LINC00305: variants seen among roughly 807,000 people sequenced by gnomAD.
The protein encoded by LINC00305 is long independently transcribed non-coding RNA 305.
rs562525520 is a variant in LINC00305 at position 64,114,345 on chromosome 18, G to T, written n.315-15705C>A. On this transcript the variant is annotated intron_variant and non_coding_transcript_variant, in intron 1 of 3. Transcript: ENST00000666468. ...GGAATGTCTTCTGAATTCTACTTTG[G>T]GGGAGGAGACGGGTGCCTCAATTCC... Among the ~76,000 whole-genome samples the T allele has an allele frequency of 9.2e-5, 14 of 152,266 alleles. No individual in the cohort carries two copies. The South Asian group carries it at 1.0e-3, about 11-fold the overall frequency.
chr18:64,121,838 A>C (rs1020085124), intron 1 of LINC00305, among the ~76,000 whole-genome samples: 45 of 152,040 alleles, frequency 3.0e-4, no homozygotes, highest in African/African-American at 1.1e-3. Flanking sequence ...TTTCTCCACA[A>C]ACTCACCAAT....
chr18:64,139,690 T>G (rs2051452072), intron 1 of LINC00305: 2 of 151,984 alleles, frequency 1.3e-5, no homozygotes, highest in African/African-American at 2.4e-5. Flanking sequence ...GGCACAGGCA[T>G]CCAGTGTAGA....
At chr18:64,142,024 T>G (rs944304481) in intron 1 of LINC00305, among the ~76,000 whole-genome samples, 3 of 152,358 alleles carry the variant, frequency 2.0e-5, no homozygotes, top group African/African-American at 7.2e-5. Context: ...AATTTTCTCC[T>G]ATATTCATAG....
At chr18:64,132,308 A>G (rs993973310) in intron 1 of LINC00305, among the ~76,000 whole-genome samples, 1 of 152,266 alleles carries the variant, frequency 6.6e-6, no homozygotes, top group Non-Finnish European at 1.5e-5. Context: ...TCTATTGTTA[A>G]ATAGATTAAG....
intron 1 of LINC00305, among the ~76,000 whole-genome samples, chr18:64,107,408 A>C (rs2051295774): frequency 6.6e-6 from 1 of 152,236 alleles, no homozygotes; most frequent in Non-Finnish European, 1.5e-5. Context: ...CTGGTGAATC[A>C]GCATAGTGTC....
At chr18:64,094,675 C>A (rs1427255218) in intron 3 of LINC00305, among the ~76,000 whole-genome samples, 1 of 151,998 alleles carries the variant, frequency 6.6e-6, no homozygotes, top group Non-Finnish European at 1.5e-5. Context: ...CCACCCTGGG[C>A]AACATGCCAA....
At chr18:64,097,643 A>G (rs1438515424) in intron 3 of LINC00305, among the ~76,000 whole-genome samples, 3 of 152,040 alleles carry the variant, frequency 2.0e-5, no homozygotes, top group Non-Finnish European at 4.4e-5. Context: ...AAAAGAGCCT[A>G]TAAAGAACTA....
chr18:64,134,632 G>T (rs1453769479), intron 1 of LINC00305, among the ~76,000 whole-genome samples: 1 of 152,086 alleles, frequency 6.6e-6, no homozygotes, highest in African/African-American at 2.4e-5. Flanking sequence ...ATCTGATCTG[G>T]ATATTATGAC....
intron 1 of LINC00305, among the ~76,000 whole-genome samples, chr18:64,135,272 C>G (rs778561097): frequency 7.9e-5 from 12 of 152,134 alleles, no homozygotes; most frequent in Non-Finnish European, 1.2e-4. Context: ...AACCCTGTCT[C>G]CAAAATAAGG....
chr18:64,135,392 G>C (rs1293024805), intron 1 of LINC00305, among the ~76,000 whole-genome samples: 1 of 151,998 alleles, frequency 6.6e-6, no homozygotes, highest in Non-Finnish European at 1.5e-5. Flanking sequence ...TGAACATTTT[G>C]TTAAGGCTAT....
rs370870333 is a variant in LINC00305 at position 64,083,466 on chromosome 18, T to C, written n.541-3064A>G. Reference sequence around the variant, plus strand: ...CTAGGCAATACGCATTTAAACTCTATAGTCTTCAATACACTGTACGTGCTA... The same window carrying C: ...CTAGGCAATACGCATTTAAACTCTACAGTCTTCAATACACTGTACGTGCTA... On this transcript the variant is annotated intron_variant and non_coding_transcript_variant, in intron 3 of 3. Transcript: ENST00000666468. 4.6e-5 allele frequency among the ~76,000 whole-genome samples: 7 copies of C among 152,330 alleles called. No individual in the cohort carries two copies. In the South Asian group the frequency reaches 6.2e-4, roughly 14 times the overall value.
At chr18:64,111,608 A>C (rs1225473197) in intron 1 of LINC00305, among the ~76,000 whole-genome samples, 1 of 151,192 alleles carries the variant, frequency 6.6e-6, no homozygotes, top group African/African-American at 2.5e-5. Flanking sequence ...AAAGTAGAAC[A>C]CAAGTGTCTT....
chr18:64,124,418 A>T (rs2051376011), intron 1 of LINC00305, among the ~76,000 whole-genome samples: 1 of 152,088 alleles, frequency 6.6e-6, no homozygotes, highest in Non-Finnish European at 1.5e-5. Flanking sequence ...CATGGCACTA[A>T]TCACCCTGTG....
intron 1 of LINC00305, among the ~76,000 whole-genome samples, chr18:64,127,680 C>A (rs1015692776): frequency 6.6e-6 from 1 of 152,066 alleles, no homozygotes; most frequent in Non-Finnish European, 1.5e-5. Context: ...AAGGAAGCAA[C>A]CCCTTTATCA....
At chr18:64,097,497 T>C (rs1459811154) in intron 3 of LINC00305, among the ~76,000 whole-genome samples, 1 of 152,236 alleles carries the variant, frequency 6.6e-6, no homozygotes, top group East Asian at 1.9e-4. Flanking sequence ...GTAATTGCTA[T>C]GTTTCCAGTC....
intron 1 of LINC00305, among the ~76,000 whole-genome samples, chr18:64,102,926 T>A (rs1400573): frequency 0.15 from 22,733 of 152,164 alleles, 1,719 homozygotes; most frequent in Non-Finnish European, 0.16. Flanking sequence ...GGAGATTGCA[T>A]CTGAACGTGA....
At chr18:64,097,951 T>C in exon 3 of LINC00305, 2 of 457,930 alleles carry the variant, frequency 4.4e-6, no homozygotes, top group South Asian at 1.5e-5. Context: ...CCAGTTTCCA[T>C]CTCCTGCTTT....
intron 1 of LINC00305, among the ~76,000 whole-genome samples, chr18:64,102,093 C>T (rs1177052943): frequency 1.3e-5 from 2 of 152,190 alleles, no homozygotes; most frequent in African/African-American, 2.4e-5. Flanking sequence ...CCGATGCCCC[C>T]AGTGACCGCT....
chr18:64,085,786 G>A (rs898568925), intron 3 of LINC00305, among the ~76,000 whole-genome samples: 4 of 152,266 alleles, frequency 2.6e-5, no homozygotes, highest in Middle Eastern at 3.4e-3. Context: ...ATCTGCCCAG[G>A]CAGCATGCAG....
Sources: gnomAD v4.1 joint callset for allele counts (sites outside exome capture counted in the v4.1 genomes callset) on GRCh38, gnomAD v4.1.1 for gene constraint, MANE v1.5 for transcripts, NCBI Gene and HGNC (gene_info 2026-07-23, HGNC 2026-07-21) for gene names.